Variants in TRIP12 observed in about 807,000 individuals in gnomAD.
The protein encoded by TRIP12 is E3 ubiquitin-protein ligase TRIP12.
Under a neutral mutation model 244.2 loss-of-function variants are expected in TRIP12, and 25 were observed. That is an observed-to-expected ratio of 0.10 (90% CI 0.07 to 0.14). TRIP12 has a LOEUF of 0.14. Ranked by LOEUF, TRIP12 falls within the 10% of genes least tolerant of loss-of-function variation. The pLI is 1.00. For missense variants in TRIP12, 1,677 were observed against 2,486.4 expected, an observed-to-expected ratio of 0.67 and a Z score of 6.92; for synonymous variants, 905 against 873.1, an observed-to-expected ratio of 1.04 and a Z score of -0.64.
chr2:229,832,426 A>G (rs905803795), intron 6 of TRIP12, among the ~76,000 whole-genome samples: 1 of 152,252 alleles, frequency 6.6e-6, no homozygotes. Flanking sequence ...TGAAAAGTTT[A>G]GAGCCATAGA....
At chr2:229,903,858 C>G (rs956989739) in intron 1 of TRIP12, among the ~76,000 whole-genome samples, 1 of 112,650 alleles carries the variant, frequency 8.9e-6, no homozygotes, top group African/African-American at 3.4e-5. Flanking sequence ...TTGTCTCTAC[C>G]AAAAATACAA....
At chr2:229,813,381 A>T (rs1364255199) in intron 13 of TRIP12, among the ~76,000 whole-genome samples, 1 of 152,230 alleles carries the variant, frequency 6.6e-6, no homozygotes, top group Non-Finnish European at 1.5e-5. Context: ...ATCTACCAAA[A>T]TTTTATAAAA....
chr2:229,907,753 T>G (rs1236720836), intron 1 of TRIP12, among the ~76,000 whole-genome samples: 1 of 149,782 alleles, frequency 6.7e-6, no homozygotes, highest in Non-Finnish European at 1.5e-5. Flanking sequence ...CAGTGAGATA[T>G]GATCACACAA....
At chr2:229,872,928 T>C (rs2062943118) in intron 2 of TRIP12, among the ~76,000 whole-genome samples, 2 of 152,224 alleles carry the variant, frequency 1.3e-5, no homozygotes, top group Non-Finnish European at 2.9e-5. Flanking sequence ...AATAGGACTG[T>C]AGTTTTTACA....
chr2:229,831,469 T>C (rs1018918642), intron 6 of TRIP12, among the ~76,000 whole-genome samples: 1 of 151,826 alleles, frequency 6.6e-6, no homozygotes, highest in African/African-American at 2.4e-5. Context: ...AGCTCAGGGG[T>C]TCAAGACCAA....
At chr2:229,858,708 T>C (rs2060025650) in intron 4 of TRIP12, 64 bp downstream of exon 4, 2 of 1,398,416 alleles carry the variant, frequency 1.4e-6, no homozygotes, top group Admixed American at 4.7e-5. Context: ...TAAAGCATAA[T>C]TGCTTTTGAC....
At chr2:229,773,889 T>C in intron 38 of TRIP12, 1 of 408,898 alleles carries the variant, frequency 2.4e-6, no homozygotes, top group Non-Finnish European at 4.3e-6. Context: ...TGAGGAGAAA[T>C]AATTCAAGGT....
intron 4 of TRIP12, among the ~76,000 whole-genome samples, chr2:229,854,857 C>G (rs1485354801): frequency 6.6e-6 from 1 of 152,224 alleles, no homozygotes; most frequent in Non-Finnish European, 1.5e-5. Context: ...TTTCTGAGAT[C>G]AACTGGCCTG....
chr2:229,841,396 G>A (rs2056395728), intron 4 of TRIP12, among the ~76,000 whole-genome samples: 1 of 152,056 alleles, frequency 6.6e-6, no homozygotes, highest in South Asian at 2.1e-4. Flanking sequence ...CCATCAGAAA[G>A]GTACATGCAC....
intron 2 of TRIP12, among the ~76,000 whole-genome samples, chr2:229,872,122 A>C (rs1306915611): frequency 4.7e-5 from 7 of 149,942 alleles, no homozygotes; most frequent in African/African-American, 1.7e-4. Flanking sequence ...AAAAAAAAAA[A>C]AAAAAAAAAA....
intron 1 of TRIP12, among the ~76,000 whole-genome samples, chr2:229,901,456 C>G (rs2070799917): frequency 1.3e-5 from 2 of 151,216 alleles, no homozygotes. Flanking sequence ...CCCCCCTCCT[C>G]TACTAAAAAC....
upstream of TRIP12, chr2:229,922,621 C>T (rs1256455276): frequency 6.2e-7 from 1 of 1,613,392 alleles, no homozygotes; most frequent in Non-Finnish European, 8.5e-7. Context: ...CAAGTGCGAG[C>T]CGCGGTTTAC....
intron 37 of TRIP12, among the ~76,000 whole-genome samples, chr2:229,776,930 T>C (rs1036667307): frequency 6.6e-6 from 1 of 152,210 alleles, no homozygotes; most frequent in East Asian, 1.9e-4. Flanking sequence ...CTGAGATCTC[T>C]AGAAACAAGA....
chr2:229,808,367 T>C lies in TRIP12; in HGVS notation c.2224A>G (p.Ile742Val), dbSNP rs1050462875. Residue 742 changes from isoleucine to valine, a missense_variant and splice_region_variant, in exon 16 of 42, where the codon ATT becomes GTT. Around this residue, in one of 11 missense-constraint regions of TRIP12, gnomAD observed 572 missense variants for 867.8 expected, o/e 0.66. Coordinates refer to ENST00000675903, the MANE Select transcript of TRIP12 (RefSeq NM_001348323.3). The stretch of plus-strand genomic sequence containing the variant: ...AGGAGAAAGTGAAGCGTTTCTGCAA[T>C]GTCTGTAAAAACCAACAACAAAAAA... ...TLAVQLMKQN[I>V]AETLHFLLCG... The C allele has an allele frequency of 1.2e-6, 2 of 1,609,938 alleles. No homozygotes were observed. The highest frequency in any genetic ancestry group is 1.3e-5 in the African/African-American group (1 of 74,990).
At chr2:229,793,449 T>C (rs2042041029) in intron 26 of TRIP12, 2 of 179,158 alleles carry the variant, frequency 1.1e-5, no homozygotes, top group East Asian at 1.4e-4. Flanking sequence ...TTTAATTATT[T>C]TTCTGGAACA....
intron 6 of TRIP12, among the ~76,000 whole-genome samples, chr2:229,835,207 A>G (rs1034890328): frequency 3.9e-5 from 6 of 152,236 alleles, no homozygotes; most frequent in Admixed American, 2.6e-4. Flanking sequence ...GTTTTCTAAT[A>G]CAAGTGCACA....
At chr2:229,770,802 T>G (rs2033984070) in intron 39 of TRIP12, among the ~76,000 whole-genome samples, 1 of 152,186 alleles carries the variant, frequency 6.6e-6, no homozygotes, top group Admixed American at 6.5e-5. Context: ...TCTCACGAGA[T>G]CTGATGGTTT....
At chr2:229,866,991 A>G (rs2061606044) in intron 2 of TRIP12, among the ~76,000 whole-genome samples, 1 of 152,132 alleles carries the variant, frequency 6.6e-6, no homozygotes, top group Admixed American at 6.5e-5. Flanking sequence ...ATATGGATGA[A>G]AGGATGTTCA....
At chr2:229,909,557 T>C (rs1405652159) in intron 1 of TRIP12, among the ~76,000 whole-genome samples, 1 of 121,616 alleles carries the variant, frequency 8.2e-6, no homozygotes, top group Non-Finnish European at 1.8e-5. Flanking sequence ...AGACCTTGTC[T>C]AAAAAAAAAA....
Sources: allele counts gnomAD v4.1 joint callset (sites outside exome capture counted in the v4.1 genomes callset), GRCh38; gene constraint gnomAD v4.1.1; regional missense constraint gnomAD v4.1.1; transcripts MANE v1.5; gene names NCBI Gene and HGNC (gene_info 2026-07-23, HGNC 2026-07-21).